MAP3K11: variants seen among roughly 807,000 people sequenced by gnomAD.
MAP3K11 encodes the protein mitogen-activated protein kinase kinase kinase 11, also known as SH3 domain-containing proline-rich kinase.
MAP3K11 carries 46 observed loss-of-function variants against 84.9 expected under a neutral mutation model. That is an observed-to-expected ratio of 0.54 (90% CI 0.43 to 0.69). MAP3K11 has a LOEUF of 0.69. Ranked by LOEUF, MAP3K11 falls within the 30% of genes least tolerant of loss-of-function variation. The pLI is 0.00. For synonymous variants in MAP3K11, 527 were observed against 514.7 expected (o/e 1.02, Z -0.32); for missense variants, 1,053 against 1,198.3 (o/e 0.88, Z 1.79).
chr11:65,613,490 A>T lies in MAP3K11; in HGVS notation c.267T>A (p.Gly89=). The T allele has an allele frequency of 6.2e-7, 1 of 1,611,130 alleles. No homozygotes were observed. Among genetic ancestry groups the T allele is most frequent in the East Asian group, 2.2e-5 (1 of 44,822 alleles). ...TGGACGGGAAGATGCCCACCTGGCC[A>T]CCCACCTGGCCCGCCCACCAGCCCT... The part of the protein sequence containing the change: ...GDEGWWAGQV[G]GQVGIFPSNY... The change falls in exon 1 of 10, where the codon GGT becomes GGA. Residue 89 remains glycine, a synonymous_variant. Transcript: ENST00000309100.
chr11:65,602,299 G>T (rs2135365227), intron 8 of MAP3K11, among the ~76,000 whole-genome samples: 1 of 151,722 alleles, frequency 6.6e-6, no homozygotes, highest in East Asian at 1.9e-4. Context: ...ATCACTTGAG[G>T]TCAGGAGTGC....
chr11:65,606,615 C>T (rs918550731), intron 6 of MAP3K11, 76 bp downstream of exon 6: 6 of 1,144,928 alleles, frequency 5.2e-6, no homozygotes, highest in Admixed American at 5.1e-5. Flanking sequence ...GAGTGGGCTC[C>T]GCCTCCAAGA....
At chr11:65,601,925 C>T (rs894607327) in intron 8 of MAP3K11, among the ~76,000 whole-genome samples, 2 of 151,782 alleles carry the variant, frequency 1.3e-5, no homozygotes, top group Admixed American at 6.6e-5. Flanking sequence ...AAGAGTTGGC[C>T]GGGTGCGGTG....
Position 65,605,856 on chromosome 11 carries a change from G to T in MAP3K11, c.1740-4C>A. On this transcript the variant is annotated splice_polypyrimidine_tract_variant and splice_region_variant and intron_variant, in intron 7 of 9. Transcript: ENST00000309100. ...TTCGTCCATGCGGGACCTTCTCCTG[G>T]TGATGGGAGGGCAAGGAGGGGTGCT... is the stretch of plus-strand genomic sequence containing the variant. 6.2e-7 allele frequency: 1 copy of T among 1,613,236 alleles called. No individual in the cohort carries two copies. Among genetic ancestry groups the T allele is most frequent in the Non-Finnish European group, 8.5e-7 (1 of 1,179,564 alleles).
At position 65,598,552 on chromosome 11, in the gene MAP3K11, CA is replaced by C; in HGVS notation, c.2282del (p.Leu761ArgfsTer186). The C allele has an allele frequency of 6.2e-7, 1 of 1,609,064 alleles. No homozygotes were observed. The highest frequency in any genetic ancestry group is 8.5e-7 in the Non-Finnish European group (1 of 1,177,484). ...AGGGCCGAGGTCGGCTGATGAGGCC[CA>C]GGGGTGGTGAACGTGGGGTGCCTGG... ...GTPGTPRSPP[L>X]GLISRPRPSP... On this transcript the variant is annotated frameshift_variant, in exon 10 of 10. Coordinates refer to ENST00000309100, the MANE Select transcript of MAP3K11 (RefSeq NM_002419.4). LOFTEE classifies it high-confidence loss of function.
At chr11:65,612,947 G>A (rs1854590989) in intron 1 of MAP3K11, 71 bp downstream of exon 1, 9 of 1,480,952 alleles carry the variant, frequency 6.1e-6, no homozygotes, top group South Asian at 5.7e-5. Context: ...CCTAAGCTAG[G>A]CTCAGTGGAA....
At chr11:65,600,021 C>T (rs543794279) in intron 8 of MAP3K11, among the ~76,000 whole-genome samples, 1 of 152,352 alleles carries the variant, frequency 6.6e-6, no homozygotes, top group East Asian at 1.9e-4. Flanking sequence ...GACCCCAGAC[C>T]CGAAAGATGG....
chr11:65,606,742 C>G lies in MAP3K11; in HGVS notation c.1552G>C (p.Glu518Gln). 1 of 1,605,298 alleles carries G rather than the reference C, an allele frequency of 6.2e-7. No homozygotes were observed. The highest frequency in any genetic ancestry group is 1.1e-5 in the South Asian group (1 of 89,216). Residue 518 changes from glutamate to glutamine, a missense_variant, in exon 6 of 10, where the codon GAG becomes CAG. Coordinates refer to ENST00000309100, the MANE Select transcript of MAP3K11 (RefSeq NM_002419.4). ...GTGGGCGAATCCCCAGGCCCGACCT[C>G]GAAGACGTTTCTCCTCCGGTCAAGG... is the stretch of plus-strand genomic sequence containing the variant. ...PGLDRRRNVFEVGPGDSPTFP... is the reference protein window; with the variant it reads ...PGLDRRRNVFQVGPGDSPTFP...
chr11:65,599,273 A>C, intron 9 of MAP3K11, 121 bp downstream of exon 9: 1 of 1,220,930 alleles, frequency 8.2e-7, no homozygotes, highest in Non-Finnish European at 1.1e-6. Flanking sequence ...TGCCTGGTTC[A>C]GGGTCCAGCT....
chr11:65,606,624 G>T, intron 6 of MAP3K11, 67 bp downstream of exon 6: 1 of 1,243,610 alleles, frequency 8.0e-7, no homozygotes, highest in Non-Finnish European at 1.1e-6. Context: ...CCGCCTCCAA[G>T]AATAAGGTCT....
intron 5 of MAP3K11, 172 bp from the exon 6 acceptor site, chr11:65,606,976 A>T (rs1403367987): frequency 1.7e-6 from 1 of 580,682 alleles, no homozygotes; most frequent in East Asian, 3.3e-5. Context: ...GGATAAGGAA[A>T]GCTACTCGTC....
chr11:65,613,861 G>A lies in MAP3K11; in HGVS notation c.-105C>T. 4 of 1,300,782 alleles carry A rather than the reference G, an allele frequency of 3.1e-6. No homozygotes were observed. Among genetic ancestry groups the A allele is most frequent in the Non-Finnish European group, 4.1e-6 (4 of 977,410 alleles). The allele number at this position is 1,300,782 out of a possible 1,614,324, so 80.6% of individuals were successfully genotyped here. A position where few individuals can be genotyped will look rare whatever the true frequency, so the allele number is the denominator to read the frequency against. Reference sequence around the variant, plus strand: ...CTAGTCCCGGAACCTGGGCATCCGGGCCCTGGCCCTCAGCCCCAGACCCAC... The same window carrying A: ...CTAGTCCCGGAACCTGGGCATCCGGACCCTGGCCCTCAGCCCCAGACCCAC... On this transcript the variant is annotated 5_prime_UTR_variant, in exon 1 of 10. Coordinates refer to ENST00000309100, the MANE Select transcript of MAP3K11 (RefSeq NM_002419.4).
At chr11:65,598,699 C>T in intron 9 of MAP3K11, 71 bp from the exon 10 acceptor site, 1 of 1,181,040 alleles carries the variant, frequency 8.5e-7, no homozygotes, top group Non-Finnish European at 1.1e-6. Context: ...CACTGTCCTG[C>T]TCTGGGCCTC....
chr11:65,603,323 C>T (rs764042587), intron 8 of MAP3K11, among the ~76,000 whole-genome samples: 5 of 152,256 alleles, frequency 3.3e-5, no homozygotes, highest in Non-Finnish European at 5.9e-5. Context: ...AGCTGCGTGA[C>T]TATTCTTGAC....
chr11:65,612,126 A>C (rs551863776), intron 1 of MAP3K11: 9 of 152,576 alleles, frequency 5.9e-5, no homozygotes, highest in African/African-American at 2.2e-4. Context: ...GCTGCTCTCC[A>C]GCCTGCACTC....
At position 65,607,259 on chromosome 11, in the gene MAP3K11, C is replaced by A; in HGVS notation, c.1489+11G>T. On this transcript the variant is annotated intron_variant, in intron 5 of 9. Transcript: ENST00000309100. The stretch of plus-strand genomic sequence containing the variant: ...CCAATGGCGGGGGACGCCCCGGGGC[C>A]CGGCCCTCACCGAGTGGCATGCTGA... 1 of 1,495,232 alleles carries A rather than the reference C, an allele frequency of 6.7e-7. No individual in the cohort carries two copies. The allele number at this position is 1,495,232 out of a possible 1,614,324, so 92.6% of individuals were successfully genotyped here.
At position 65,599,465 on chromosome 11, in the gene MAP3K11, A is replaced by C. The variant is rs1365010117; in HGVS notation, c.2135T>G (p.Leu712Arg). The change falls in exon 9 of 10, where the codon CTG (leucine) becomes CGG (arginine). Residue 712 changes from leucine to arginine, a missense_variant. Leu to Arg is a moderately radical substitution (Grantham distance 102, BLOSUM62 -2). Coordinates refer to ENST00000309100, the MANE Select transcript of MAP3K11 (RefSeq NM_002419.4). Reference protein sequence around the residue: ...TPDSPPTPAPLLLDLGIPVGQ... With the variant: ...TPDSPPTPAPRLLDLGIPVGQ... Reference sequence around the variant, plus strand: ...CACAGGGATACCCAGGTCCAGCAACAGGGGTGCAGGAGTGGGCGGGGAGTC... The same window carrying C: ...CACAGGGATACCCAGGTCCAGCAACCGGGGTGCAGGAGTGGGCGGGGAGTC... 6.6e-6 allele frequency: 10 copies of C among 1,514,470 alleles called. No homozygotes were observed. Among genetic ancestry groups the C allele is most frequent in the Non-Finnish European group, 8.8e-6 (10 of 1,141,870 alleles). The allele number at this position is 1,514,470 out of a possible 1,614,324, so 93.8% of individuals were successfully genotyped here.
At position 65,606,676 on chromosome 11, in the gene MAP3K11, G is replaced by C. The variant is rs769482000; in HGVS notation, c.1603+15C>G. On this transcript the variant is annotated intron_variant, in intron 6 of 9. Coordinates refer to ENST00000309100, the MANE Select transcript of MAP3K11 (RefSeq NM_002419.4). ...CTGGGGGGCGGAGAGGGGCATGAGAGGTGAAGTTTCTTACACTGGATGGCT... is the reference window on the plus strand; with the variant it reads ...CTGGGGGGCGGAGAGGGGCATGAGACGTGAAGTTTCTTACACTGGATGGCT... 6.4e-7 allele frequency: 1 copy of C among 1,560,928 alleles called. No homozygotes were observed. Among genetic ancestry groups the C allele is most frequent in the Non-Finnish European group, 8.7e-7 (1 of 1,147,596 alleles).
rs748893878 is a variant in MAP3K11, at chr11:65,606,821, G to A, written c.1490-17C>T. 1.9e-6 allele frequency: 3 copies of A among 1,542,536 alleles called. No individual in the cohort carries two copies. Among genetic ancestry groups the A allele is most frequent in the Admixed American group, 1.7e-5 (1 of 58,548 alleles). On this transcript the variant is annotated splice_polypyrimidine_tract_variant and intron_variant, in intron 5 of 9. Coordinates refer to ENST00000309100, the MANE Select transcript of MAP3K11 (RefSeq NM_002419.4). ...GCTTGAAGTCTGGGATTTGGGTTGG[G>A]GGGAGCAGGGTTCAGGTTTGTGATG...
Sources: gnomAD v4.1 joint callset for allele counts (sites outside exome capture counted in the v4.1 genomes callset) on GRCh38, gnomAD v4.1.1 for gene constraint, MANE v1.5 for transcripts, NCBI Gene and HGNC (gene_info 2026-07-23, HGNC 2026-07-21) for gene names.